Variants in VSTM2A observed in about 807,000 individuals in gnomAD.
VSTM2A encodes the protein V-set and transmembrane domain containing 2A, also known as V-set and transmembrane domain-containing protein 2A.
VSTM2A carries 13 observed loss-of-function variants against 27.3 expected under a neutral mutation model. The observed-to-expected ratio is 0.48, with a 90% confidence interval of 0.31 to 0.76. The LOEUF (loss-of-function observed/expected upper bound fraction) is 0.76. VSTM2A is among the 30% of genes least tolerant of loss of function. The probability of loss-of-function intolerance (pLI) is 0.05; values close to 1 mark genes in which losing one functional copy is unlikely to be tolerated. For missense variants in VSTM2A, 280 were observed against 310.0 expected, an observed-to-expected ratio of 0.90 and a Z score of 0.73; for synonymous variants, 142 against 125.7, an observed-to-expected ratio of 1.13 and a Z score of -0.87.
intron 4 of VSTM2A, among the ~76,000 whole-genome samples, chr7:54,568,385 A>C (rs1377652777): frequency 6.6e-6 from 1 of 152,200 alleles, no homozygotes; most frequent in Non-Finnish European, 1.5e-5. Context: ...AAGTTATTCA[A>C]TATGTCATTT....
rs10244450 is a variant in VSTM2A at position 54,555,409 on chromosome 7, T to G, written c.634+5239T>G. Among the ~76,000 whole-genome samples the G allele has an allele frequency of 2.8e-3, 420 of 152,368 alleles. 4 individuals carry two copies. The highest frequency in any genetic ancestry group is 9.8e-3 in the African/African-American group (406 of 41,594). ...TTCAGTCTTTCCATTTGGTATTGCC[T>G]GAATGTTTTCAGATATTTTGTTACC... On this transcript the variant is annotated intron_variant, in intron 4 of 4. Transcript: ENST00000402613.
chr7:54,553,824 T>TA lies in VSTM2A; in HGVS notation c.634+3655dup, dbSNP rs750652984. 5.0e-5 allele frequency: 77 copies of TA among 1,549,782 alleles called. No homozygotes were observed. In the East Asian group the frequency reaches 8.8e-4, roughly 18 times the overall value. On this transcript the variant is annotated intron_variant, in intron 4 of 4. Coordinates refer to ENST00000402613, the MANE Select transcript of VSTM2A (RefSeq NM_001301009.2). ...TCCACCATGCCCCCAAATACCCCAA[T>TA]ATACTAAGTCATTCTCTACTTGTTT...
rs1788025111 is a variant in VSTM2A, at chr7:54,547,062, C to G, written c.297+65C>G. The G allele has an allele frequency of 1.0e-5, 15 of 1,489,772 alleles. No homozygotes were observed. The East Asian group carries it at 2.1e-4, about 21-fold the overall frequency. The allele number at this position is 1,489,772 out of a possible 1,614,324, so 92.3% of individuals were successfully genotyped here. A position where few individuals can be genotyped will look rare whatever the true frequency, so the allele number is the denominator to read the frequency against. On this transcript the variant is annotated intron_variant, in intron 3 of 4. Coordinates refer to ENST00000402613, the MANE Select transcript of VSTM2A (RefSeq NM_001301009.2). ...GGGACGCACAGCCCTTCCCTGTCCC[C>G]GAGAAGGCGGCTTGCCAGCGCTGCA...
At chr7:54,551,472 T>A (rs1788191971) in intron 4 of VSTM2A, 1 of 152,194 alleles carries the variant, frequency 6.6e-6, no homozygotes, top group Admixed American at 6.5e-5. Context: ...GTCAGTCTGA[T>A]GAACAGATGG....
At chr7:54,546,682 G>A in intron 2 of VSTM2A, 1 of 335,974 alleles carries the variant, frequency 3.0e-6, no homozygotes, top group African/African-American at 4.1e-5. Context: ...GGACAGCGCC[G>A]GGACAGCGCC....
At chr7:54,545,955 G>A (rs1352622050) in intron 2 of VSTM2A, among the ~76,000 whole-genome samples, 1 of 26,276 alleles carries the variant, frequency 3.8e-5, no homozygotes, top group Non-Finnish European at 6.2e-5. Flanking sequence ...AGAGCAGAGA[G>A]AATGAGGGGG....
intron 4 of VSTM2A, among the ~76,000 whole-genome samples, chr7:54,567,397 T>C (rs1469427705): frequency 2.6e-5 from 4 of 152,212 alleles, no homozygotes; most frequent in Non-Finnish European, 5.9e-5. Context: ...ATAATACTCA[T>C]GTAAATCATG....
intron 2 of VSTM2A, chr7:54,546,669 CA>C (rs1787997794): frequency 2.7e-6 from 1 of 367,838 alleles, no homozygotes; most frequent in South Asian, 7.4e-5. Context: ...ATCCGCGCGG[CA>C]GGGACAGCGC....
At chr7:54,555,431 T>C (rs1349732560) in intron 4 of VSTM2A, among the ~76,000 whole-genome samples, 2 of 152,238 alleles carry the variant, frequency 1.3e-5, no homozygotes, top group Non-Finnish European at 1.5e-5. Flanking sequence ...GATATTTTGT[T>C]ACCTCTATGG....
intron 4 of VSTM2A, chr7:54,550,495 T>C: frequency 4.0e-6 from 2 of 495,562 alleles, no homozygotes; most frequent in Non-Finnish European, 6.6e-6. Context: ...TGCATGTTCA[T>C]TTTCTCTACA....
At chr7:54,566,660 G>C (rs1788733331) in intron 4 of VSTM2A, among the ~76,000 whole-genome samples, 1 of 152,154 alleles carries the variant, frequency 6.6e-6, no homozygotes, top group Admixed American at 6.5e-5. Flanking sequence ...CTATCACAAT[G>C]CAATACCTGG....
intron 4 of VSTM2A, among the ~76,000 whole-genome samples, chr7:54,555,946 G>T (rs1788342244): frequency 6.6e-6 from 1 of 152,180 alleles, no homozygotes; most frequent in South Asian, 2.1e-4. Flanking sequence ...AGTGCCTACT[G>T]AATCAGCATC....
chr7:54,546,185 GGAGAGAAGAGAGGAA>G (rs1787958908), intron 2 of VSTM2A: 1 of 152,708 alleles, frequency 6.5e-6, no homozygotes, highest in Non-Finnish European at 1.5e-5. Flanking sequence ...GGAAGGAAAA[GGAGAGAAGAGAGGAA>G]GCGAGGAGAG....
At position 54,554,038 on chromosome 7, in the gene VSTM2A, C is replaced by T. The variant is rs553202638; in HGVS notation, c.634+3868C>T. 10 of 1,553,048 alleles carry T rather than the reference C, an allele frequency of 6.4e-6. No homozygotes were observed. In the Admixed American group the frequency reaches 1.2e-4, roughly 18 times the overall value. On this transcript the variant is annotated intron_variant, in intron 4 of 4. Transcript: ENST00000402613. ...CTTCCCCAACCTGGCCATGGATCAA[C>T]CCCTGGTGTGCAGAGCTGCGTGCTG...
intron 4 of VSTM2A, among the ~76,000 whole-genome samples, chr7:54,561,908 G>GT (rs1788572917): frequency 6.7e-6 from 1 of 149,098 alleles, no homozygotes. Flanking sequence ...ATAAAAATTA[G>GT]TTTTTTAGTT....
intron 4 of VSTM2A, 22 bp from the exon 5 acceptor site, chr7:54,569,109 A>G (rs550743420): frequency 3.4e-5 from 54 of 1,590,740 alleles, no homozygotes; most frequent in South Asian, 1.1e-5. Flanking sequence ...CTTTTTTCCA[A>G]TATCACTTTC....
intron 4 of VSTM2A, among the ~76,000 whole-genome samples, chr7:54,555,410 G>T (rs986062510): frequency 3.9e-5 from 6 of 152,198 alleles, no homozygotes; most frequent in African/African-American, 1.4e-4. Context: ...GGTATTGCCT[G>T]AATGTTTTCA....
At position 54,550,192 on chromosome 7, in the gene VSTM2A, CT is replaced by C; in HGVS notation, c.634+26del. The C allele has an allele frequency of 1.9e-6, 3 of 1,571,352 alleles. No homozygotes were observed. In the South Asian group the frequency reaches 3.5e-5, roughly 18 times the overall value. ...TCAGGTATGGAAACCCATTTCGAGC[CT>C]TTTATTTTACCACTCACAAACGCTC... On this transcript the variant is annotated intron_variant, in intron 4 of 4. Transcript: ENST00000402613.
intron 2 of VSTM2A, among the ~76,000 whole-genome samples, chr7:54,545,221 T>C (rs1395466976): frequency 6.6e-6 from 1 of 151,310 alleles, no homozygotes; most frequent in Non-Finnish European, 1.5e-5. Context: ...GCCCCCAGGC[T>C]GAACAACCAG....
Sources: gnomAD v4.1 joint callset for allele counts (sites outside exome capture counted in the v4.1 genomes callset) on GRCh38, gnomAD v4.1.1 for gene constraint, MANE v1.5 for transcripts, NCBI Gene and HGNC (gene_info 2026-07-23, HGNC 2026-07-21) for gene names.